Variants in DPP6 observed in about 807,000 individuals in gnomAD.
DPP6 encodes A-type potassium channel modulatory protein DPP6.
In DPP6, 69 loss-of-function variants were observed where a neutral mutation model predicts 122.6. That is an observed-to-expected ratio of 0.56 (90% CI 0.46 to 0.69). The LOEUF (loss-of-function observed/expected upper bound fraction) is 0.69, where lower values mean the gene tolerates loss of function less well. Ranked by LOEUF, DPP6 falls within the 30% of genes least tolerant of loss-of-function variation. The pLI is 0.00. For missense variants in DPP6, 928 were observed against 1,116.9 expected (o/e 0.83, Z 2.41); for synonymous variants, 418 against 433.1 (o/e 0.97, Z 0.43).
chr7:154,155,187 A>T (rs1163030215), intron 1 of DPP6, among the ~76,000 whole-genome samples: 2 of 152,204 alleles, frequency 1.3e-5, no homozygotes, highest in African/African-American at 4.8e-5. Context: ...CCCTTCCCCT[A>T]GGTGCCTGTG....
At chr7:153,985,378 ATCCTCTGTAGCT>A (rs1332869212) in intron 1 of DPP6, among the ~76,000 whole-genome samples, 1 of 152,204 alleles carries the variant, frequency 6.6e-6, no homozygotes, top group Non-Finnish European at 1.5e-5. Context: ...TTAGCATGAC[ATCCTCTGTAGCT>A]TTACTCACAG....
intron 5 of DPP6, among the ~76,000 whole-genome samples, chr7:154,578,436 T>C (rs1051233276): frequency 1.3e-5 from 2 of 152,046 alleles, no homozygotes; most frequent in African/African-American, 4.8e-5. Flanking sequence ...AGATGGAAGT[T>C]TGAGCATTGA....
chr7:154,000,782 G>A (rs28550776), intron 1 of DPP6, among the ~76,000 whole-genome samples: 151,981 of 152,068 alleles, frequency 1, 75,947 homozygotes, highest in Middle Eastern at 1. Flanking sequence ...GCACTCTATG[G>A]CTAGAGGCCA....
At chr7:154,141,799 G>C (rs1488674739) in intron 1 of DPP6, among the ~76,000 whole-genome samples, 1 of 152,206 alleles carries the variant, frequency 6.6e-6, no homozygotes, top group African/African-American at 2.4e-5. Flanking sequence ...CACATTTGTG[G>C]CAATCTTGGT....
intron 1 of DPP6, among the ~76,000 whole-genome samples, chr7:154,130,822 A>G (rs1277325433): frequency 6.6e-6 from 1 of 150,718 alleles, no homozygotes; most frequent in Non-Finnish European, 1.5e-5. Flanking sequence ...GCTCCACAAT[A>G]AAAAAAAATA....
chr7:154,248,490 G>A (rs1802133948), intron 1 of DPP6, among the ~76,000 whole-genome samples: 1 of 152,154 alleles, frequency 6.6e-6, no homozygotes, highest in African/African-American at 2.4e-5. Context: ...CATACATTGG[G>A]AAATGAGAAA....
intron 1 of DPP6, among the ~76,000 whole-genome samples, chr7:153,952,736 C>A (rs1206747749): frequency 6.6e-6 from 1 of 152,318 alleles, no homozygotes; most frequent in Non-Finnish European, 1.5e-5. Flanking sequence ...TAAGTCTCAG[C>A]TAAATCTCTA....
intron 1 of DPP6, among the ~76,000 whole-genome samples, chr7:154,177,311 A>G (rs953255852): frequency 1.3e-5 from 2 of 152,242 alleles, no homozygotes; most frequent in African/African-American, 4.8e-5. Flanking sequence ...CTTCAAAATT[A>G]GCTTTACCAA....
the DPP6 span, among the ~76,000 whole-genome samples, chr7:153,855,445 C>T: frequency 1.3e-3 from 199 of 151,992 alleles, no homozygotes; most frequent in African/African-American, 4.6e-3. Context: ...TAAAATAATC[C>T]ACTGCGTGAA....
At chr7:153,879,076 T>C in the DPP6 span, among the ~76,000 whole-genome samples, 2 of 152,168 alleles carry the variant, frequency 1.3e-5, no homozygotes, top group Admixed American at 6.5e-5. Flanking sequence ...ACTTCCCTAA[T>C]AGCAGTGAAC....
chr7:154,400,921 G>A (rs1815517622), intron 1 of DPP6, among the ~76,000 whole-genome samples: 1 of 152,102 alleles, frequency 6.6e-6, no homozygotes, highest in South Asian at 2.1e-4. Flanking sequence ...ATGTATTACT[G>A]GCTGGGCGCA....
the DPP6 span, among the ~76,000 whole-genome samples, chr7:153,762,499 G>C: frequency 9.2e-5 from 14 of 152,192 alleles, no homozygotes; most frequent in Admixed American, 3.9e-4. Context: ...CGCCTGGCGC[G>C]GTGGCTCACG....
intron 1 of DPP6, chr7:154,059,688 ATCT>A (rs1225212490): frequency 1.3e-5 from 2 of 150,184 alleles, no homozygotes; most frequent in African/African-American, 2.5e-5. Context: ...TTACAAGAAA[ATCT>A]TCTGACAGCC....
the DPP6 span, among the ~76,000 whole-genome samples, chr7:153,873,024 G>T: frequency 6.6e-6 from 1 of 152,218 alleles, no homozygotes; most frequent in Non-Finnish European, 1.5e-5. Flanking sequence ...CAGTGCCCAG[G>T]CTGTACAAGT....
chr7:154,154,003 G>C (rs1321511322), intron 1 of DPP6, among the ~76,000 whole-genome samples: 1 of 152,076 alleles, frequency 6.6e-6, no homozygotes, highest in Non-Finnish European at 1.5e-5. Context: ...TTTGTTCCTC[G>C]ATCAGCCCAA....
chr7:153,964,481 C>T (rs1352000595), intron 1 of DPP6, among the ~76,000 whole-genome samples: 7 of 152,106 alleles, frequency 4.6e-5, no homozygotes, highest in East Asian at 3.9e-4. Context: ...ACCAGGGCTC[C>T]GTGAAAATGT....
intron 5 of DPP6, chr7:154,587,342 C>A (rs1477204408): frequency 7.2e-6 from 3 of 417,982 alleles, no homozygotes; most frequent in Non-Finnish European, 1.3e-5. Flanking sequence ...CCTTATTCCT[C>A]CCCCCAACCA....
chr7:154,583,431 C>T (rs11983194), intron 5 of DPP6, among the ~76,000 whole-genome samples: 9,972 of 152,270 alleles, frequency 0.065, 771 homozygotes, highest in African/African-American at 0.19. Flanking sequence ...CTGGCTGCCT[C>T]CTGGCCACTT....
chr7:154,183,593 CTCCTCCTTTCCT>C (rs1798204704), intron 1 of DPP6, among the ~76,000 whole-genome samples: 2 of 152,194 alleles, frequency 1.3e-5, no homozygotes. Flanking sequence ...CCTTCCTCCC[CTCCTCCTTTCCT>C]TCCTCCATGA....
Sources: gnomAD v4.1 joint callset for allele counts (sites outside exome capture counted in the v4.1 genomes callset) on GRCh38, gnomAD v4.1.1 for gene constraint, MANE v1.5 for transcripts, NCBI Gene and HGNC (gene_info 2026-07-23, HGNC 2026-07-21) for gene names.